Variants in SPTBN1 observed in about 807,000 individuals in gnomAD.
The protein encoded by SPTBN1 is spectrin beta chain, non-erythrocytic 1.
In SPTBN1, 32 loss-of-function variants were observed where a neutral mutation model predicts 266.4. The ratio of observed to expected loss-of-function variants is 0.12; its 90% CI spans 0.09 to 0.16. The LOEUF is 0.16. SPTBN1 is among the 10% of genes least tolerant of loss of function. SPTBN1 has a pLI of 1.00. For missense variants in SPTBN1, 2,296 were observed against 3,067.1 expected, an observed-to-expected ratio of 0.75 and a Z score of 5.94; for synonymous variants, 1,336 against 1,162.2, an observed-to-expected ratio of 1.15 and a Z score of -3.04.
In SPTBN1 at chr2:54,664,970, T is replaced by C. The variant is rs1681278351; in HGVS notation, c.6659+279T>C. The C allele has an allele frequency of 2.6e-6, 1 of 389,880 alleles. No homozygotes were observed. Among genetic ancestry groups the C allele is most frequent in the Admixed American group, 4.0e-5 (1 of 25,096 alleles). 24.2% of individuals were successfully genotyped at this position (389,880 alleles called of 1,614,324 possible). A position where few individuals can be genotyped will look rare whatever the true frequency, so the allele number is the denominator to read the frequency against. ...TTTGCTAGATTGAGACTGAAGAGTC[T>C]TCTTTACTTTAAGTGATTGATTTCA... On this transcript the variant is annotated intron_variant, in intron 33 of 35. Transcript: ENST00000356805. The surrounding 1 kb of genome is among the most constrained non-coding windows in gnomAD (Gnocchi z 5.6).
Position 54,649,810 on chromosome 2 carries a change from A to G in SPTBN1, c.5398A>G (p.Ile1800Val). ...LLELIDTRTQILAASYELHKF... is the reference protein window; with the variant it reads ...LLELIDTRTQVLAASYELHKF... The stretch of plus-strand genomic sequence containing the variant: ...GGAGCTCATTGACACAAGAACACAG[A>G]TTCTTGCCGCTTCCTATGAACTGCA... The change falls in exon 26 of 36, where the codon ATT becomes GTT. Residue 1800 changes from isoleucine (I) to valine (V), a missense_variant. Ile to Val is a conservative substitution (Grantham distance 29). Transcript: ENST00000356805. This position sits in a 1 kb window ranked among gnomAD's most constrained non-coding sequence, Gnocchi z 6.7. 1 of 1,614,202 alleles carries G rather than the reference A, an allele frequency of 6.2e-7. No homozygotes were observed. The highest frequency in any genetic ancestry group is 8.5e-7 in the Non-Finnish European group (1 of 1,180,036).
chr2:54,471,793 T>C (rs1456300589), intron 1 of SPTBN1, among the ~76,000 whole-genome samples: 1 of 122,600 alleles, frequency 8.2e-6, no homozygotes, highest in African/African-American at 3.3e-5. Flanking sequence ...TTTCCTCTTT[T>C]TTATCGATTT....
chr2:54,457,118 C>G (rs1012217117), intron 1 of SPTBN1: 3 of 150,598 alleles, frequency 2.0e-5, no homozygotes, highest in Non-Finnish European at 4.4e-5. Flanking sequence ...CCCCCACCTC[C>G]GCCCCATCCC....
In SPTBN1 at chr2:54,532,162, G is replaced by A. The variant is rs1272168801; in HGVS notation, c.148+5596G>A. ...AAATTAGCTGGGCGTGGTGGCGGGC[G>A]CCTATAATCCCAGCTAGTTGGGAGG... is the stretch of plus-strand genomic sequence containing the variant. On this transcript the variant is annotated intron_variant, in intron 2 of 35. Coordinates refer to ENST00000356805, the MANE Select transcript of SPTBN1 (RefSeq NM_003128.3). Among the ~76,000 whole-genome samples, 8 of 152,046 alleles carry A rather than the reference G, an allele frequency of 5.3e-5. 1 individual carries two copies. Among genetic ancestry groups the A allele is most frequent in the South Asian group, 4.1e-4 (2 of 4,824 alleles).
chr2:54,474,037 C>T (rs1008472979), intron 1 of SPTBN1, among the ~76,000 whole-genome samples: 3 of 152,196 alleles, frequency 2.0e-5, no homozygotes, highest in African/African-American at 7.2e-5. Context: ...TTGGAGTCTG[C>T]TGCAGATGGC....
At chr2:54,659,040 C>A in intron 30 of SPTBN1, 114 bp from the exon 31 acceptor site, 3 of 1,005,504 alleles carry the variant, frequency 3.0e-6, no homozygotes, top group South Asian at 2.9e-5. Flanking sequence ...GCTTCTTGTC[C>A]AGTGTGGTCC....
chr2:54,597,866 C>CTTTTTTTTT (rs531763576), intron 2 of SPTBN1, among the ~76,000 whole-genome samples: 26 of 82,198 alleles, frequency 3.2e-4, no homozygotes, highest in East Asian at 1.2e-3. Context: ...GAGCTATCTG[C>CTTTTTTTTT]TTTTTTTTTT....
chr2:54,609,027 TGGG>T (rs1472751890), intron 3 of SPTBN1, among the ~76,000 whole-genome samples: 5 of 151,916 alleles, frequency 3.3e-5, no homozygotes, highest in Non-Finnish European at 7.4e-5. Context: ...AGGAGGAAGG[TGGG>T]GGGATTGGTC....
chr2:54,495,031 G>A (rs1274968954), intron 1 of SPTBN1, among the ~76,000 whole-genome samples: 1 of 152,116 alleles, frequency 6.6e-6, no homozygotes, highest in African/African-American at 2.4e-5. Flanking sequence ...GAAGTGGGCT[G>A]ACAGGTGTAG....
intron 18 of SPTBN1, among the ~76,000 whole-genome samples, chr2:54,640,098 A>G (rs1471593308): frequency 1.3e-5 from 2 of 152,150 alleles, no homozygotes; most frequent in Non-Finnish European, 2.9e-5. Context: ...TACTATAATC[A>G]AAAGGGTGAT....
chr2:54,649,225 C>T lies in SPTBN1; in HGVS notation c.5202+35C>T. ...TGAGGCAGTGCATGAGTTGGTTGTG[C>T]AGTAAGCGATGGTGTGGAAGGCCAT... On this transcript the variant is annotated intron_variant, in intron 25 of 35. Transcript: ENST00000356805. The surrounding 1 kb of genome is among the most constrained non-coding windows in gnomAD (Gnocchi z 6.7). The T allele has an allele frequency of 1.3e-6, 2 of 1,565,526 alleles. No homozygotes were observed. Among genetic ancestry groups the T allele is most frequent in the Non-Finnish European group, 1.7e-6 (2 of 1,148,828 alleles).
At chr2:54,546,304 G>A (rs1381693338) in intron 2 of SPTBN1, among the ~76,000 whole-genome samples, 1 of 152,156 alleles carries the variant, frequency 6.6e-6, no homozygotes, top group African/African-American at 2.4e-5. Flanking sequence ...TCTTTAGCTG[G>A]CTGGGCAAAG....
intron 2 of SPTBN1, among the ~76,000 whole-genome samples, chr2:54,570,511 C>A (rs1249528174): frequency 6.6e-6 from 1 of 152,192 alleles, no homozygotes; most frequent in Non-Finnish European, 1.5e-5. Context: ...AAGGAAATTA[C>A]ATAGGTGGTA....
intron 2 of SPTBN1, among the ~76,000 whole-genome samples, chr2:54,568,512 CTT>C (rs1287903439): frequency 6.6e-6 from 1 of 152,020 alleles, no homozygotes; most frequent in East Asian, 1.9e-4. Flanking sequence ...TAAAAATAAT[CTT>C]GAGTATAATA....
Position 54,583,084 on chromosome 2 carries a change from G to A in SPTBN1, c.149-16008G>A, listed in dbSNP as rs982627411. ...CCATGCTGGAGCCCTTCCCACTTGC[G>A]TAGCTGAAGCACTGGTGGATGAACC... On this transcript the variant is annotated intron_variant, in intron 2 of 35. Transcript: ENST00000356805. 2.6e-5 allele frequency among the ~76,000 whole-genome samples: 4 copies of A among 151,938 alleles called. No homozygotes were observed. The East Asian group carries it at 5.8e-4, about 22-fold the overall frequency.
chr2:54,645,073 T>C lies in SPTBN1; in HGVS notation c.4270-156T>C, dbSNP rs1679830369. 3.0e-6 allele frequency: 2 copies of C among 669,722 alleles called. No individual in the cohort carries two copies. The highest frequency in any genetic ancestry group is 3.8e-5 in the South Asian group (2 of 53,038). 41.5% of individuals were successfully genotyped at this position (669,722 alleles called of 1,614,324 possible). On this transcript the variant is annotated intron_variant, in intron 20 of 35. Coordinates refer to ENST00000356805, the MANE Select transcript of SPTBN1 (RefSeq NM_003128.3). The surrounding 1 kb of genome is among the most constrained non-coding windows in gnomAD (Gnocchi z 4.3). ...TCAGATTTACTTGAAAACAGTTCCA[T>C]TGATGTTGAAAAGCAAGTCAGTGGC...
intron 2 of SPTBN1, among the ~76,000 whole-genome samples, chr2:54,577,548 T>G (rs1674576235): frequency 6.6e-6 from 1 of 152,212 alleles, no homozygotes; most frequent in Non-Finnish European, 1.5e-5. Context: ...CTGATAATGG[T>G]AATAGCCACC....
chr2:54,572,010 C>A (rs1018481150), intron 2 of SPTBN1, among the ~76,000 whole-genome samples: 4 of 152,142 alleles, frequency 2.6e-5, no homozygotes, highest in African/African-American at 9.7e-5. Flanking sequence ...ACCCTAGTGA[C>A]AACCTCCCCT....
intron 1 of SPTBN1, among the ~76,000 whole-genome samples, chr2:54,460,338 A>T (rs540235114): frequency 1.3e-5 from 2 of 152,312 alleles, no homozygotes; most frequent in Non-Finnish European, 1.5e-5. Flanking sequence ...CTCTCACTGT[A>T]AATTATTTGT....
Sources: allele counts gnomAD v4.1 joint callset (sites outside exome capture counted in the v4.1 genomes callset), GRCh38; gene constraint gnomAD v4.1.1; non-coding constraint Gnocchi (gnomAD v3.1); transcripts MANE v1.5; gene names NCBI Gene and HGNC (gene_info 2026-07-23, HGNC 2026-07-21).